UNC5C: variants seen among roughly 807,000 people sequenced by gnomAD.
UNC5C encodes netrin receptor UNC5C.
A neutral mutation model predicts 99.8 loss-of-function variants in UNC5C; 47 were observed. The observed-to-expected ratio is 0.47, with a 90% CI of 0.37 to 0.60. The LOEUF (loss-of-function observed/expected upper bound fraction) is 0.60. UNC5C is among the 20% of genes least tolerant of loss of function. The pLI is 0.00. For missense variants in UNC5C, 1,062 were observed against 1,165.9 expected, an observed-to-expected ratio of 0.91 and a Z score of 1.30; for synonymous variants, 487 against 452.2, an observed-to-expected ratio of 1.08 and a Z score of -0.98.
chr4:95,478,274 C>G (rs973855616), intron 1 of UNC5C, among the ~76,000 whole-genome samples: 5 of 151,844 alleles, frequency 3.3e-5, no homozygotes, highest in African/African-American at 1.2e-4. Flanking sequence ...TTCTGTGTGC[C>G]TCGGTTGTCT....
intron 14 of UNC5C, among the ~76,000 whole-genome samples, chr4:95,178,454 C>A (rs1736460834): frequency 1.1e-5 from 1 of 91,818 alleles, no homozygotes; most frequent in Non-Finnish European, 2.2e-5. Flanking sequence ...TTTTATTTCT[C>A]ACATTTCTTT....
intron 1 of UNC5C, among the ~76,000 whole-genome samples, chr4:95,490,803 T>C (rs1015271723): frequency 6.6e-6 from 1 of 151,776 alleles, no homozygotes; most frequent in African/African-American, 2.4e-5. Flanking sequence ...TAATATGCTG[T>C]AACAAATGAT....
rs535628195 is a variant in UNC5C at position 95,532,083 on chromosome 4, C to A, written c.124+16651G>T. Among the ~76,000 whole-genome samples the A allele has an allele frequency of 3.3e-5, 5 of 152,196 alleles. No homozygotes were observed. The South Asian group carries it at 1.0e-3, about 31-fold the overall frequency. ...ATTGACCAAACCAGTTAGAGCCCAA[C>A]CGTGCTCTTAATGCTTACACATCAA... On this transcript the variant is annotated intron_variant, in intron 1 of 15. Coordinates refer to ENST00000453304, the MANE Select transcript of UNC5C (RefSeq NM_003728.4).
chr4:95,171,810 C>T (rs1197926240), intron 14 of UNC5C, among the ~76,000 whole-genome samples: 1 of 151,934 alleles, frequency 6.6e-6, no homozygotes, highest in Non-Finnish European at 1.5e-5. Context: ...TGAGGAGTCG[C>T]CACACTGACT....
At chr4:95,434,522 G>T (rs1056014637) in intron 1 of UNC5C, among the ~76,000 whole-genome samples, 2 of 152,040 alleles carry the variant, frequency 1.3e-5, no homozygotes, top group Admixed American at 6.6e-5. Context: ...GCTTGGAATA[G>T]ATCTTAGCTT....
intron 2 of UNC5C, among the ~76,000 whole-genome samples, chr4:95,332,889 C>A (rs1202921478): frequency 6.6e-6 from 1 of 152,010 alleles, no homozygotes; most frequent in Non-Finnish European, 1.5e-5. Context: ...AAACAAACAA[C>A]CCCATCAAAA....
chr4:95,339,191 C>G (rs1468838933), intron 1 of UNC5C, among the ~76,000 whole-genome samples: 1 of 152,070 alleles, frequency 6.6e-6, no homozygotes, highest in African/African-American at 2.4e-5. Context: ...CATATCAATT[C>G]TCTAAGCAAG....
At chr4:95,493,649 A>G (rs1721561952) in intron 1 of UNC5C, among the ~76,000 whole-genome samples, 1 of 151,398 alleles carries the variant, frequency 6.6e-6, no homozygotes, top group Non-Finnish European at 1.5e-5. Flanking sequence ...AGTGTGCTTA[A>G]GTACTCATTT....
intron 7 of UNC5C, among the ~76,000 whole-genome samples, chr4:95,220,786 G>A (rs1045443215): frequency 2.6e-5 from 4 of 152,176 alleles, no homozygotes; most frequent in Non-Finnish European, 5.9e-5. Context: ...AGATCTGGGG[G>A]ACAGAGGTTA....
chr4:95,280,976 T>G (rs58514596), intron 3 of UNC5C, among the ~76,000 whole-genome samples: 1,920 of 152,322 alleles, frequency 0.013, 41 homozygotes, highest in African/African-American at 0.043. Context: ...CTCTTGTTTT[T>G]TTGATCTGCA....
rs1003042262 is a variant in UNC5C, at chr4:95,222,100, G to C, written c.1109-1924C>G. On this transcript the variant is annotated intron_variant, in intron 7 of 15. Transcript: ENST00000453304. Reference sequence around the variant, plus strand: ...TATTTTTCATGTTAGAATATATTAGGCTCCTATTTCCTGTGTGCACATCTG... The same window carrying C: ...TATTTTTCATGTTAGAATATATTAGCCTCCTATTTCCTGTGTGCACATCTG... The C allele has an allele frequency of 1.7e-5, 11 of 653,170 alleles. No homozygotes were observed. The South Asian group carries it at 2.5e-4, about 15-fold the overall frequency. 40.5% of individuals were successfully genotyped at this position (653,170 alleles called of 1,614,324 possible).
chr4:95,297,843 C>T (rs1183966208), intron 3 of UNC5C, among the ~76,000 whole-genome samples: 1 of 152,314 alleles, frequency 6.6e-6, no homozygotes, highest in Non-Finnish European at 1.5e-5. Flanking sequence ...TCTACAGTAG[C>T]TTAACATCTC....
Position 95,250,643 on chromosome 4 carries a change from T to G in UNC5C, c.619A>C (p.Ile207Leu). ...TTCCGATCTTCAACGGGATCAATTA[T>G]GTCTTCATTTTTCAACCATTCCACC... ...AEVEWLKNED[I>L]IDPVEDRNFY... Residue 207 changes from isoleucine to leucine, a missense_variant, in exon 5 of 16, where the codon ATA (isoleucine) becomes CTA (leucine). By Grantham distance (5) the Ile-to-Leu change is conservative (BLOSUM62 2). This residue lies in a region of UNC5C where 249 missense variants were observed against 295.1 expected (regional missense o/e 0.84). Transcript: ENST00000453304. 1 of 1,613,882 alleles carries G rather than the reference T, an allele frequency of 6.2e-7. No homozygotes were observed. Among genetic ancestry groups the G allele is most frequent in the South Asian group, 1.1e-5 (1 of 91,000 alleles).
intron 14 of UNC5C, among the ~76,000 whole-genome samples, chr4:95,174,836 A>G (rs1177941120): frequency 2.0e-5 from 3 of 148,682 alleles, no homozygotes; most frequent in Middle Eastern, 3.5e-3. Flanking sequence ...TGATGTTGAC[A>G]GTGGGGTGTT....
intron 4 of UNC5C, among the ~76,000 whole-genome samples, chr4:95,251,489 G>A (rs1298030451): frequency 6.6e-6 from 1 of 152,152 alleles, no homozygotes; most frequent in East Asian, 1.9e-4. Flanking sequence ...TAATAGTGAT[G>A]TTATACTTGC....
chr4:95,366,616 G>C (rs544398638), intron 1 of UNC5C, among the ~76,000 whole-genome samples: 11 of 152,310 alleles, frequency 7.2e-5, no homozygotes, highest in African/African-American at 1.4e-4. Flanking sequence ...GCAATTATTG[G>C]TAGGACCTTT....
rs539370358 is a variant in UNC5C at position 95,438,560 on chromosome 4, A to G, written c.125-102929T>C. 1.4e-4 allele frequency among the ~76,000 whole-genome samples: 22 copies of G among 152,278 alleles called. No homozygotes were observed. In the South Asian group the frequency reaches 4.6e-3, roughly 32 times the overall value. On this transcript the variant is annotated intron_variant, in intron 1 of 15. Transcript: ENST00000453304. The stretch of plus-strand genomic sequence containing the variant: ...AAAAAATGTTTTTAGCTTTTTGCTG[A>G]TACATAGAGATAGCAATAATATAGT...
Position 95,482,726 on chromosome 4 carries a change from G to A in UNC5C, c.124+66008C>T, listed in dbSNP as rs1320921611. Among the ~76,000 whole-genome samples the A allele has an allele frequency of 4.9e-5, 6 of 122,560 alleles. No homozygotes were observed. In the East Asian group the frequency reaches 1.3e-3, roughly 26 times the overall value. 80.4% of individuals were successfully genotyped at this position (122,560 alleles called of 152,430 possible). Reference sequence around the variant, plus strand: ...CCTTTGTAGGGACATGGATGAAATTGGAAATCATCATTCTCAGTAAACTAT... The same window carrying A: ...CCTTTGTAGGGACATGGATGAAATTAGAAATCATCATTCTCAGTAAACTAT... On this transcript the variant is annotated intron_variant, in intron 1 of 15. Transcript: ENST00000453304.
intron 12 of UNC5C, among the ~76,000 whole-genome samples, chr4:95,192,550 C>T (rs13147675): frequency 6.8e-6 from 1 of 146,254 alleles, no homozygotes. Context: ...CTCCTGGTCG[C>T]CTCTTCTGCT....
Sources: gnomAD v4.1 joint callset for allele counts (sites outside exome capture counted in the v4.1 genomes callset) on GRCh38, gnomAD v4.1.1 for gene constraint, gnomAD v4.1.1 regional missense constraint, MANE v1.5 for transcripts, NCBI Gene and HGNC (gene_info 2026-07-23, HGNC 2026-07-21) for gene names.